SORCS2: variants seen among roughly 807,000 people sequenced by gnomAD.
SORCS2 encodes VPS10 domain-containing receptor SorCS2.
SORCS2 carries 100 observed loss-of-function variants against 141.6 expected under a neutral mutation model. That is an observed-to-expected ratio of 0.71 (90% CI 0.60 to 0.83). The LOEUF (loss-of-function observed/expected upper bound fraction) is 0.83, where lower values mean the gene tolerates loss of function less well. SORCS2 is among the 40% of genes least tolerant of loss of function. The pLI is 0.00. For missense variants in SORCS2, 1,646 were observed against 1,560.2 expected, an observed-to-expected ratio of 1.05 and a Z score of -0.93; for synonymous variants, 789 against 676.9, an observed-to-expected ratio of 1.17 and a Z score of -2.57.
chr4:7,600,508 A>G (rs1017746250), intron 3 of SORCS2, among the ~76,000 whole-genome samples: 2 of 152,106 alleles, frequency 1.3e-5, no homozygotes, highest in Non-Finnish European at 2.9e-5. Flanking sequence ...GGCCACACCA[A>G]TCGGCTCCCA....
chr4:7,328,629 C>G (rs892311084), intron 1 of SORCS2, among the ~76,000 whole-genome samples: 3 of 152,138 alleles, frequency 2.0e-5, no homozygotes, highest in Non-Finnish European at 2.9e-5. Flanking sequence ...CGTGCTCTGC[C>G]TCAGGTACCT....
At chr4:7,483,574 G>A (rs768067826) in intron 2 of SORCS2, among the ~76,000 whole-genome samples, 57 of 152,212 alleles carry the variant, frequency 3.7e-4, no homozygotes, top group Non-Finnish European at 6.9e-4. Context: ...CACACTGTGC[G>A]GGGTGCTTTG....
At chr4:7,606,960 G>C (rs1475513808) in intron 3 of SORCS2, among the ~76,000 whole-genome samples, 1 of 152,168 alleles carries the variant, frequency 6.6e-6, no homozygotes, top group African/African-American at 2.4e-5. Context: ...GACAACAGCT[G>C]TTTCTGAATT....
intron 4 of SORCS2, among the ~76,000 whole-genome samples, chr4:7,650,208 C>T (rs1020047641): frequency 2.0e-5 from 3 of 152,194 alleles, no homozygotes; most frequent in East Asian, 1.9e-4. Context: ...TCAATTGCTG[C>T]GAGCCTCCAT....
rs529195828 is a variant in SORCS2 at position 7,395,013 on chromosome 4, G to A, written c.481-1275G>A. Among the ~76,000 whole-genome samples the A allele has an allele frequency of 7.5e-4, 115 of 152,332 alleles. 2 individuals carry two copies. The highest frequency in any genetic ancestry group is 2.1e-3 in the African/African-American group (89 of 41,586). On this transcript the variant is annotated intron_variant, in intron 1 of 26. Coordinates refer to ENST00000507866, the MANE Select transcript of SORCS2 (RefSeq NM_020777.3). ...ACACCCTGTCAGCTCCCCACTCCTCGGAGGGACCTGGCTCTGACGGCAGGC... is the reference window on the plus strand; with the variant it reads ...ACACCCTGTCAGCTCCCCACTCCTCAGAGGGACCTGGCTCTGACGGCAGGC...
intron 1 of SORCS2, among the ~76,000 whole-genome samples, chr4:7,228,130 T>C (rs1481380375): frequency 6.6e-6 from 1 of 152,144 alleles, no homozygotes; most frequent in Non-Finnish European, 1.5e-5. Context: ...TAAGACAAGA[T>C]GTAGGCAGGG....
intron 2 of SORCS2, among the ~76,000 whole-genome samples, chr4:7,406,780 G>GT (rs1366456313): frequency 6.6e-6 from 1 of 151,536 alleles, no homozygotes; most frequent in Non-Finnish European, 1.5e-5. Flanking sequence ...GATTTGGTTT[G>GT]TTTTTTCTAG....
intron 2 of SORCS2, among the ~76,000 whole-genome samples, chr4:7,415,755 G>A (rs941129681): frequency 1.3e-5 from 2 of 152,208 alleles, no homozygotes; most frequent in Non-Finnish European, 2.9e-5. Context: ...GTGAAGAATC[G>A]TTTCTCGATA....
At chr4:7,220,480 C>A (rs1276690522) in intron 1 of SORCS2, among the ~76,000 whole-genome samples, 1 of 152,032 alleles carries the variant, frequency 6.6e-6, no homozygotes, top group Admixed American at 6.6e-5. Context: ...ATGCCATTCT[C>A]TTAATTCCTG....
At chr4:7,656,600 A>G (rs1486284346) in intron 5 of SORCS2, among the ~76,000 whole-genome samples, 1 of 152,122 alleles carries the variant, frequency 6.6e-6, no homozygotes, top group African/African-American at 2.4e-5. Flanking sequence ...GACTCGGTCC[A>G]CCTCTGGCTG....
chr4:7,433,603 C>G (rs763109308), intron 2 of SORCS2: 2 of 1,611,470 alleles, frequency 1.2e-6, no homozygotes, highest in Non-Finnish European at 1.7e-6. Context: ...GATGCTGCAG[C>G]CACCCTTGAA....
chr4:7,565,652 GTGA>G (rs890302214), intron 3 of SORCS2, among the ~76,000 whole-genome samples: 1 of 148,770 alleles, frequency 6.7e-6, no homozygotes, highest in Non-Finnish European at 1.5e-5. Flanking sequence ...GATTTTTATG[GTGA>G]TGATGTGATG....
intron 1 of SORCS2, among the ~76,000 whole-genome samples, chr4:7,359,298 A>C (rs959252231): frequency 7.2e-6 from 1 of 138,022 alleles, no homozygotes; most frequent in African/African-American, 2.6e-5. Context: ...TCTGTTAAGC[A>C]AACAAGCAAA....
chr4:7,338,858 C>T (rs1409511647), intron 1 of SORCS2, among the ~76,000 whole-genome samples: 1 of 152,304 alleles, frequency 6.6e-6, no homozygotes, highest in African/African-American at 2.4e-5. Context: ...TGCTCCTGGG[C>T]CTCCAAGGCT....
chr4:7,522,804 T>G lies in SORCS2; in HGVS notation c.549-8726T>G, dbSNP rs184544310. On this transcript the variant is annotated intron_variant, in intron 2 of 26. Transcript: ENST00000507866. ...TTATCCTCCCTCCCTTCCTCCTCCC[T>G]TTTCTCTCCCTGTCTCCCTTCTCCC... Among the ~76,000 whole-genome samples, 124 of 41,628 alleles carry G rather than the reference T, an allele frequency of 3.0e-3. 15 individuals carry two copies. The highest frequency in any genetic ancestry group is 3.1e-3 in the Non-Finnish European group (61 of 19,588). The allele number at this position is 41,628 out of a possible 152,430, so 27.3% of individuals were successfully genotyped here. A position where few individuals can be genotyped will look rare whatever the true frequency, so the allele number is the denominator to read the frequency against.
intron 1 of SORCS2, among the ~76,000 whole-genome samples, chr4:7,334,772 G>C (rs1171555568): frequency 6.6e-6 from 1 of 152,128 alleles, no homozygotes; most frequent in Non-Finnish European, 1.5e-5. Flanking sequence ...GGCCCAGAGA[G>C]GGGAGACCTG....
intron 11 of SORCS2, among the ~76,000 whole-genome samples, chr4:7,692,915 G>T (rs564358560): frequency 1.1e-4 from 17 of 152,180 alleles, no homozygotes; most frequent in Non-Finnish European, 2.1e-4. Flanking sequence ...CCAGAGGTCA[G>T]ACTGCAGAGG....
intron 3 of SORCS2, among the ~76,000 whole-genome samples, chr4:7,621,944 C>A (rs1487500366): frequency 2.0e-5 from 3 of 152,158 alleles, no homozygotes. Context: ...GCTTGGTGAG[C>A]TCTATCTGCT....
intron 1 of SORCS2, among the ~76,000 whole-genome samples, chr4:7,260,225 C>T (rs919953887): frequency 5.9e-5 from 9 of 152,170 alleles, no homozygotes; most frequent in Admixed American, 1.3e-4. Context: ...CTCTGGATGC[C>T]CAGAGCCTTC....
Sources: gnomAD v4.1 joint callset for allele counts (sites outside exome capture counted in the v4.1 genomes callset) on GRCh38, gnomAD v4.1.1 for gene constraint, MANE v1.5 for transcripts, NCBI Gene and HGNC (gene_info 2026-07-23, HGNC 2026-07-21) for gene names.